RANBP2: variants seen among roughly 807,000 people sequenced by gnomAD.
The protein encoded by RANBP2 is E3 SUMO-protein ligase RanBP2.
Under a neutral mutation model 303.6 loss-of-function variants are expected in RANBP2, and 57 were observed. That is an observed-to-expected ratio of 0.19 (90% CI 0.15 to 0.23). The LOEUF (loss-of-function observed/expected upper bound fraction) is 0.23, where lower values mean the gene tolerates loss of function less well. RANBP2 is among the 10% of genes least tolerant of loss of function. The pLI is 1.00. For synonymous variants in RANBP2, 1,167 were observed against 1,301.5 expected (o/e 0.90, Z 2.23); for missense variants, 3,138 against 3,780.8 (o/e 0.83, Z 4.46).
chr2:108,857,203 C>T, the RANBP2 span, among the ~76,000 whole-genome samples: 13 of 149,350 alleles, frequency 8.7e-5, no homozygotes, highest in South Asian at 8.6e-4. Flanking sequence ...CTCAGCCTCC[C>T]GAGTAGCTGG....
chr2:109,435,892 C>T, the RANBP2 span, among the ~76,000 whole-genome samples: 1 of 152,200 alleles, frequency 6.6e-6, no homozygotes, highest in Non-Finnish European at 1.5e-5. Context: ...TTCAGCACAG[C>T]TCTGAGGGCT....
chr2:109,023,840 A>T, the RANBP2 span, among the ~76,000 whole-genome samples: 1 of 151,984 alleles, frequency 6.6e-6, no homozygotes, highest in South Asian at 2.1e-4. Flanking sequence ...ACAAACAAAA[A>T]ACTCTCTTAA....
chr2:109,375,178 C>T, the RANBP2 span, among the ~76,000 whole-genome samples: 4 of 152,268 alleles, frequency 2.6e-5, no homozygotes, highest in Admixed American at 6.5e-5. Flanking sequence ...GGGCACTGAC[C>T]CCATCTGTGC....
the RANBP2 span, among the ~76,000 whole-genome samples, chr2:109,647,727 C>T: frequency 3.9e-5 from 6 of 152,180 alleles, no homozygotes; most frequent in African/African-American, 1.4e-4. Flanking sequence ...GCCTCAGCCT[C>T]CCAAAGTACT....
At chr2:108,912,050 G>A in the RANBP2 span, among the ~76,000 whole-genome samples, 4 of 152,204 alleles carry the variant, frequency 2.6e-5, no homozygotes, top group East Asian at 1.9e-4. Flanking sequence ...CTGCGTTAGC[G>A]CGTGGGAGGC....
chr2:108,855,273 A>T, the RANBP2 span, among the ~76,000 whole-genome samples: 1 of 152,178 alleles, frequency 6.6e-6, no homozygotes, highest in Admixed American at 6.5e-5. Context: ...CCTCAAGGAC[A>T]ATTTTTTAAA....
chr2:109,261,482 G>T, the RANBP2 span, among the ~76,000 whole-genome samples: 1 of 152,204 alleles, frequency 6.6e-6, no homozygotes, highest in Non-Finnish European at 1.5e-5. Flanking sequence ...GGTGTCAGAC[G>T]TGTGTGAAAT....
At chr2:109,270,462 C>T in the RANBP2 span, among the ~76,000 whole-genome samples, 1 of 152,138 alleles carries the variant, frequency 6.6e-6, no homozygotes, top group African/African-American at 2.4e-5. Context: ...TTCTTGTTTC[C>T]ACTGCCTGAG....
chr2:109,453,479 G>A, the RANBP2 span, among the ~76,000 whole-genome samples: 1 of 152,202 alleles, frequency 6.6e-6, no homozygotes, highest in South Asian at 2.1e-4. Context: ...TCAGCACCAG[G>A]TGATACGAAC....
At chr2:109,101,869 A>G in the RANBP2 span, among the ~76,000 whole-genome samples, 7 of 152,148 alleles carry the variant, frequency 4.6e-5, no homozygotes, top group Non-Finnish European at 1.0e-4. Flanking sequence ...CCAGTTTTAT[A>G]TCTGAAAGTG....
At chr2:109,209,985 C>A in the RANBP2 span, among the ~76,000 whole-genome samples, 67 of 152,266 alleles carry the variant, frequency 4.4e-4, no homozygotes, top group African/African-American at 1.3e-3. Flanking sequence ...CACGCTCAGC[C>A]CCCCCAGTAA....
chr2:108,723,227 CAT>C (rs1233821398), intron 1 of RANBP2, among the ~76,000 whole-genome samples: 1 of 151,832 alleles, frequency 6.6e-6, no homozygotes, highest in African/African-American at 2.4e-5. Flanking sequence ...GAGTAACACA[CAT>C]ATATACTTTT....
chr2:108,989,151 C>G, the RANBP2 span: 1 of 152,762 alleles, frequency 6.5e-6, no homozygotes, highest in African/African-American at 2.4e-5. Context: ...ACACTAGCCC[C>G]GCTTCCTTTC....
the RANBP2 span, among the ~76,000 whole-genome samples, chr2:109,595,861 A>G: frequency 6.6e-6 from 1 of 152,312 alleles, no homozygotes; most frequent in Non-Finnish European, 1.5e-5. Flanking sequence ...AGAGCTCTGC[A>G]TTAGACACAA....
chr2:109,652,304 G>A, the RANBP2 span, among the ~76,000 whole-genome samples: 4 of 151,388 alleles, frequency 2.6e-5, no homozygotes, highest in African/African-American at 9.7e-5. Context: ...CTCACTGCAA[G>A]CTCCGCCTCC....
the RANBP2 span, among the ~76,000 whole-genome samples, chr2:108,804,598 G>A: frequency 6.6e-6 from 1 of 152,098 alleles, no homozygotes. Flanking sequence ...CCATGAGTTT[G>A]TGTGAGTGGA....
the RANBP2 span, among the ~76,000 whole-genome samples, chr2:108,860,279 A>T: frequency 2.1e-4 from 32 of 152,228 alleles, no homozygotes; most frequent in African/African-American, 7.7e-4. Context: ...ATAGAATCCT[A>T]TTGTCAGTGA....
chr2:109,539,054 C>A, the RANBP2 span, among the ~76,000 whole-genome samples: 47 of 152,248 alleles, frequency 3.1e-4, 1 homozygote, highest in Non-Finnish European at 5.3e-4. Flanking sequence ...ATTTCCAACA[C>A]TTTGGGAGGC....
chr2:109,736,168 C>A, the RANBP2 span, among the ~76,000 whole-genome samples: 1 of 152,330 alleles, frequency 6.6e-6, no homozygotes, highest in Non-Finnish European at 1.5e-5. Context: ...CAGGGTCTTT[C>A]AAAGTCACGG....
Sources: gnomAD v4.1 joint callset for allele counts (sites outside exome capture counted in the v4.1 genomes callset) on GRCh38, gnomAD v4.1.1 for gene constraint, MANE v1.5 for transcripts, NCBI Gene and HGNC (gene_info 2026-07-23, HGNC 2026-07-21) for gene names.